The following UGT2A3 variants were observed in gnomAD, a reference collection of about 807,000 sequenced individuals.
UGT2A3 encodes the protein UDP-glucuronosyltransferase 2A3.
A neutral mutation model predicts 44.1 loss-of-function variants in UGT2A3; 55 were observed. That is an observed-to-expected ratio of 1.25 (90% CI 1.00 to 1.56). The LOEUF is 1.56. Ranked by LOEUF, UGT2A3 falls within the 40% of genes most tolerant of loss-of-function variation. UGT2A3 has a pLI of 0.00. For missense variants in UGT2A3, 733 were observed against 621.6 expected (o/e 1.18, Z -1.91); for synonymous variants, 243 against 215.1 (o/e 1.13, Z -1.13).
intron 2 of UGT2A3, among the ~76,000 whole-genome samples, chr4:68,941,521 C>T (rs961038551): frequency 2.6e-5 from 4 of 151,976 alleles, no homozygotes; most frequent in African/African-American, 9.6e-5. Flanking sequence ...TAAGGCCAAA[C>T]ATTATACAAC....
At chr4:68,945,936 A>T (rs184213950) in intron 1 of UGT2A3, among the ~76,000 whole-genome samples, 2 of 151,620 alleles carry the variant, frequency 1.3e-5, no homozygotes, top group South Asian at 4.1e-4. Flanking sequence ...TCAAGGGTAT[A>T]TCTTTCAATA....
intron 2 of UGT2A3, chr4:68,943,220 TTTG>T: frequency 4.6e-6 from 3 of 658,782 alleles, no homozygotes; most frequent in Non-Finnish European, 4.4e-6. Context: ...TGTGTGTGTG[TTTG>T]TGTGTGTGTG....
chr4:68,943,722 G>C (rs1718277993), intron 2 of UGT2A3, among the ~76,000 whole-genome samples: 1 of 151,664 alleles, frequency 6.6e-6, no homozygotes, highest in Non-Finnish European at 1.5e-5. Flanking sequence ...TCCTCAATGT[G>C]TTCAGTCAGG....
rs574976712 is a variant in UGT2A3 at position 68,945,580 on chromosome 4, C to T, written c.716-126G>A. Reference sequence around the variant, plus strand: ...CCTCTAGAACAACATGGCTTTTAGACGTCAAATGGAAGGGGGAATTAATGA... The same window carrying T: ...CCTCTAGAACAACATGGCTTTTAGATGTCAAATGGAAGGGGGAATTAATGA... On this transcript the variant is annotated intron_variant, in intron 1 of 5. Coordinates refer to ENST00000251566, the MANE Select transcript of UGT2A3 (RefSeq NM_024743.4). 15 of 505,948 alleles carry T rather than the reference C, an allele frequency of 3.0e-5. No homozygotes were observed. The South Asian group carries it at 4.4e-4, about 15-fold the overall frequency. 31.3% of individuals were successfully genotyped at this position (505,948 alleles called of 1,614,324 possible). A position where few individuals can be genotyped will look rare whatever the true frequency, so the allele number is the denominator to read the frequency against.
rs544857254 is a variant in UGT2A3 at position 68,930,814 on chromosome 4, T to G, written c.1085-49A>C. ...ATGGTGAGATATTTTATTCTAAACT[T>G]TTAAAATTATTTAAAGACTACAGAT... On this transcript the variant is annotated intron_variant, in intron 4 of 5. Coordinates refer to ENST00000251566, the MANE Select transcript of UGT2A3 (RefSeq NM_024743.4). 3 of 1,406,524 alleles carry G rather than the reference T, an allele frequency of 2.1e-6. No individual in the cohort carries two copies. The African/African-American group carries it at 4.4e-5, about 21-fold the overall frequency. 87.1% of individuals were successfully genotyped at this position (1,406,524 alleles called of 1,614,324 possible).
intron 2 of UGT2A3, among the ~76,000 whole-genome samples, chr4:68,935,267 T>A (rs1335101434): frequency 6.3e-5 from 1 of 15,928 alleles, no homozygotes; most frequent in Non-Finnish European, 1.5e-4. Flanking sequence ...TGTGTATGTA[T>A]GTATGTATGT....
intron 1 of UGT2A3, among the ~76,000 whole-genome samples, chr4:68,949,172 A>T (rs538593421): frequency 1.3e-5 from 2 of 151,866 alleles, no homozygotes; most frequent in Non-Finnish European, 2.9e-5. Context: ...AATATTGGTG[A>T]TCAAATTTCA....
At chr4:68,934,383 A>G (rs1008547568) in intron 2 of UGT2A3, among the ~76,000 whole-genome samples, 1 of 152,002 alleles carries the variant, frequency 6.6e-6, no homozygotes, top group Non-Finnish European at 1.5e-5. Context: ...ACTCAAAATT[A>G]TTAGGAAAAC....
intron 2 of UGT2A3, among the ~76,000 whole-genome samples, chr4:68,937,937 A>G (rs1445380804): frequency 1.3e-5 from 2 of 152,208 alleles, no homozygotes; most frequent in Non-Finnish European, 2.9e-5. Flanking sequence ...AAACACCTGT[A>G]TGCAAATAAA....
chr4:68,937,616 T>C (rs560555880), intron 2 of UGT2A3, among the ~76,000 whole-genome samples: 1 of 151,904 alleles, frequency 6.6e-6, no homozygotes, highest in East Asian at 1.9e-4. Flanking sequence ...GCAGGAAAAA[T>C]CTAAAATCGA....
chr4:68,931,112 T>C, intron 4 of UGT2A3, 43 bp downstream of exon 4: 1 of 1,471,544 alleles, frequency 6.8e-7, no homozygotes. Flanking sequence ...TTTATTCATT[T>C]TTTCCTCGTC....
chr4:68,938,314 A>T (rs1718033791), intron 2 of UGT2A3, among the ~76,000 whole-genome samples: 1 of 152,268 alleles, frequency 6.6e-6, no homozygotes, highest in African/African-American at 2.4e-5. Flanking sequence ...TCAATAAAAT[A>T]CTGGCAAACC....
intron 2 of UGT2A3, among the ~76,000 whole-genome samples, chr4:68,942,238 G>A (rs1446472537): frequency 6.7e-6 from 1 of 149,898 alleles, no homozygotes; most frequent in South Asian, 2.1e-4. Flanking sequence ...CATTAATGAA[G>A]AAATACATAA....
chr4:68,951,074 A>G lies in UGT2A3; in HGVS notation c.687T>C (p.Phe229=), dbSNP rs1243748245. Residue 229 remains phenylalanine, a synonymous_variant, in exon 1 of 6, where the codon TTT becomes TTC. Coordinates refer to ENST00000251566, the MANE Select transcript of UGT2A3 (RefSeq NM_024743.4). ...ATGCCTTACTATAAAACTCTTCCCA[A>G]AAATGATAGTCGTAATCCTGAATCC... ...HFWIQDYDYH[F]WEEFYSKALG... is the part of the protein sequence containing the mutation. 6.3e-7 allele frequency: 1 copy of G among 1,593,410 alleles called. No homozygotes were observed. The highest frequency in any genetic ancestry group is 1.4e-5 in the African/African-American group (1 of 73,686).
chr4:68,931,377 G>A (rs114032118), intron 3 of UGT2A3, 135 bp from the exon 4 acceptor site: 73,190 of 577,502 alleles, frequency 0.13, 5,967 homozygotes, highest in Admixed American at 0.26. Flanking sequence ...GAGCTACCGC[G>A]TAAAGACTGA....
At chr4:68,949,394 T>G (rs764735097) in intron 1 of UGT2A3, among the ~76,000 whole-genome samples, 1 of 151,842 alleles carries the variant, frequency 6.6e-6, no homozygotes, top group African/African-American at 2.4e-5. Flanking sequence ...GAGCAGTTAG[T>G]ACATGCACAA....
chr4:68,946,228 T>A (rs1008412948), intron 1 of UGT2A3, among the ~76,000 whole-genome samples: 2 of 151,732 alleles, frequency 1.3e-5, no homozygotes, highest in African/African-American at 4.8e-5. Flanking sequence ...TTAGTATCTC[T>A]TTACAAAAAC....
chr4:68,939,796 C>T (rs1718116109), intron 2 of UGT2A3, among the ~76,000 whole-genome samples: 1 of 152,040 alleles, frequency 6.6e-6, no homozygotes, highest in Non-Finnish European at 1.5e-5. Flanking sequence ...GCAATCTACC[C>T]ATCTGACAAA....
chr4:68,932,176 A>G (rs1717761626), intron 3 of UGT2A3, among the ~76,000 whole-genome samples: 1 of 151,934 alleles, frequency 6.6e-6, no homozygotes, highest in Admixed American at 6.6e-5. Context: ...AATTATTTAG[A>G]AAGACTACAT....
Sources: allele counts gnomAD v4.1 joint callset (sites outside exome capture counted in the v4.1 genomes callset), GRCh38; gene constraint gnomAD v4.1.1; transcripts MANE v1.5; gene names NCBI Gene and HGNC (gene_info 2026-07-23, HGNC 2026-07-21).